ARHGAP39: variants seen among roughly 807,000 people sequenced by gnomAD.
ARHGAP39 encodes Rho GTPase activating protein 39.
A neutral mutation model predicts 106.9 loss-of-function variants in ARHGAP39; 44 were observed. The ratio of observed to expected loss-of-function variants is 0.41; its 90% confidence interval spans 0.32 to 0.53. The LOEUF is 0.53. ARHGAP39 is among the 20% of genes least tolerant of loss of function. The probability of loss-of-function intolerance (pLI) is 0.21; values close to 1 mark genes in which losing one functional copy is unlikely to be tolerated. For synonymous variants in ARHGAP39, 768 were observed against 693.2 expected (o/e 1.11, Z -1.69); for missense variants, 1,496 against 1,577.3 (o/e 0.95, Z 0.87).
intron 3 of ARHGAP39, among the ~76,000 whole-genome samples, chr8:144,574,084 A>G (rs1818680008): frequency 6.7e-6 from 1 of 149,968 alleles, no homozygotes; most frequent in Non-Finnish European, 1.5e-5. Flanking sequence ...GATGCACGAG[A>G]ATTGCTTGAA....
In ARHGAP39 at chr8:144,605,642, C is replaced by G. The variant is rs1276855777; in HGVS notation, c.-28G>C. ...CTGTTTGCTTCCGCGCCCACGTGGA[C>G]AGACGTCAGGGCACCATACGCACAA... On this transcript the variant is annotated 5_prime_UTR_variant, in exon 2 of 12. Coordinates refer to ENST00000377307, the MANE Select transcript of ARHGAP39 (RefSeq NM_025251.3). 6.2e-7 allele frequency: 1 copy of G among 1,608,704 alleles called. No homozygotes were observed. Among genetic ancestry groups the G allele is most frequent in the Non-Finnish European group, 8.5e-7 (1 of 1,177,624 alleles).
Position 144,548,369 on chromosome 8 carries a change from C to T in ARHGAP39, c.717G>A (p.Gly239=), listed in dbSNP as rs1412452845. 3.1e-6 allele frequency: 5 copies of T among 1,608,636 alleles called. No individual in the cohort carries two copies. The highest frequency in any genetic ancestry group is 4.2e-6 in the Non-Finnish European group (5 of 1,177,988). Residue 239 remains glycine, a synonymous_variant, in exon 5 of 12, where the codon GGG becomes GGA. Transcript: ENST00000377307. The surrounding 1 kb of genome is among the most constrained non-coding windows in gnomAD (Gnocchi z 7.4). ...GNGYAPDGPP[G]VRSRRPSGSQ... Reference sequence around the variant, plus strand: ...TGCCGGAGGGTCTGCGGGAGCGGACCCCAGGTGGGCCGTCTGGGGCGTAGC... The same window carrying T: ...TGCCGGAGGGTCTGCGGGAGCGGACTCCAGGTGGGCCGTCTGGGGCGTAGC...
At position 144,545,388 on chromosome 8, in the gene ARHGAP39, C is replaced by A; in HGVS notation, c.2382G>T (p.Glu794Asp). The change falls in exon 6 of 12, where the codon GAG becomes GAT. Residue 794 changes from glutamate (E) to aspartate (D), a missense_variant. Transcript: ENST00000377307. ...LYIQLCRQTT[E>D]NFRLESLARG... ...GGGCCAGGCTCTCCAGGCGGAAGTT[C>A]TCGGTGGTCTGCCGGCACAGCTGGA... The A allele has an allele frequency of 1.9e-6, 3 of 1,596,396 alleles. No homozygotes were observed. Among genetic ancestry groups the A allele is most frequent in the Non-Finnish European group, 1.7e-6 (2 of 1,170,428 alleles).
chr8:144,536,143 G>A (rs1167327261), intron 7 of ARHGAP39, among the ~76,000 whole-genome samples: 1 of 152,192 alleles, frequency 6.6e-6, no homozygotes, highest in East Asian at 1.9e-4. Context: ...TGAGCCCACT[G>A]CCCTGATCCG....
In ARHGAP39 at chr8:144,533,208, C is replaced by T. The variant is rs144988605; in HGVS notation, c.2806G>A (p.Glu936Lys). The T allele has an allele frequency of 3.1e-6, 5 of 1,612,600 alleles. No individual in the cohort carries two copies. In the African/African-American group the frequency reaches 4.0e-5, roughly 13 times the overall value. ...VMGMQRERYPERQLPWVQTRL... is the reference protein window; with the variant it reads ...VMGMQRERYPKRQLPWVQTRL... ...GTCTGCACCCAGGGCAGCTGGCGCT[C>T]GGGGTAGCGCTCTCTCTGCATGCCC... The change falls in exon 9 of 12, where the codon GAG (glutamate) becomes AAG (lysine). Residue 936 changes from glutamate (E) to lysine (K), a missense_variant. Transcript: ENST00000377307.
chr8:144,629,571 G>A (rs1382205118), intron 1 of ARHGAP39, among the ~76,000 whole-genome samples: 2 of 152,242 alleles, frequency 1.3e-5, no homozygotes, highest in Admixed American at 6.5e-5. Context: ...GAGCTTTGGA[G>A]ACAAACCTGA....
At chr8:144,538,682 C>T (rs569693256) in intron 6 of ARHGAP39, among the ~76,000 whole-genome samples, 1 of 152,266 alleles carries the variant, frequency 6.6e-6, no homozygotes, top group South Asian at 2.1e-4. Flanking sequence ...AAGAGATTCC[C>T]ACCTCAGTCT....
intron 6 of ARHGAP39, among the ~76,000 whole-genome samples, chr8:144,542,500 G>A (rs985042000): frequency 6.6e-6 from 1 of 152,204 alleles, no homozygotes; most frequent in Non-Finnish European, 1.5e-5. Flanking sequence ...TCTAAGAACT[G>A]TGCTGCAGCC....
At chr8:144,563,630 A>T (rs568739960) in intron 3 of ARHGAP39, among the ~76,000 whole-genome samples, 31 of 151,924 alleles carry the variant, frequency 2.0e-4, no homozygotes, top group East Asian at 1.2e-3. Flanking sequence ...TATAAAAAAA[A>T]AATAATAATA....
intron 1 of ARHGAP39, among the ~76,000 whole-genome samples, chr8:144,673,806 G>C (rs149797845): frequency 1.5e-3 from 225 of 152,370 alleles, no homozygotes; most frequent in Non-Finnish European, 2.4e-3. Context: ...GGTGCAAAGT[G>C]GCAAGGGGTG....
chr8:144,536,534 G>A (rs1047147350), intron 7 of ARHGAP39, among the ~76,000 whole-genome samples: 29 of 152,216 alleles, frequency 1.9e-4, no homozygotes, highest in African/African-American at 6.8e-4. Context: ...AGGTAGGAGC[G>A]CAAAGCTCCT....
chr8:144,591,625 A>G lies in ARHGAP39; in HGVS notation c.81-10348T>C, dbSNP rs1048940968. ...GCTGGGGGACAGGGTGCGTGCCAGA[A>G]GAGAGGCGAGGGGTGGGGGAGCAGA... On this transcript the variant is annotated intron_variant, in intron 2 of 11. Transcript: ENST00000377307. This position sits in a 1 kb window ranked among gnomAD's most constrained non-coding sequence, Gnocchi z 5.3. 6.6e-5 allele frequency among the ~76,000 whole-genome samples: 10 copies of G among 152,080 alleles called. No individual in the cohort carries two copies. The highest frequency in any genetic ancestry group is 2.4e-5 in the African/African-American group (1 of 41,412).
chr8:144,575,906 C>T (rs1818755317), intron 3 of ARHGAP39, among the ~76,000 whole-genome samples: 1 of 152,166 alleles, frequency 6.6e-6, no homozygotes, highest in Non-Finnish European at 1.5e-5. Flanking sequence ...CTTTTCAGCT[C>T]CATTATAATC....
intron 2 of ARHGAP39, among the ~76,000 whole-genome samples, chr8:144,582,754 T>C (rs1052113354): frequency 3.3e-5 from 5 of 151,902 alleles, no homozygotes; most frequent in Non-Finnish European, 7.4e-5. Context: ...AGAAGTCCAA[T>C]GAAGGAGGGC....
intron 2 of ARHGAP39, among the ~76,000 whole-genome samples, chr8:144,601,812 T>TGC (rs1819976248): frequency 1.7e-5 from 2 of 119,500 alleles, no homozygotes; most frequent in African/African-American, 6.5e-5. Flanking sequence ...TGTGTGTGTG[T>TGC]GTGGAGGCGT....
At chr8:144,633,151 G>T (rs201697431) in intron 1 of ARHGAP39, among the ~76,000 whole-genome samples, 10,675 of 148,196 alleles carry the variant, frequency 0.072, 775 homozygotes, top group East Asian at 0.24. Flanking sequence ...TTTTTTGTTT[G>T]TTTGTTTGTT....
intron 2 of ARHGAP39, among the ~76,000 whole-genome samples, chr8:144,601,240 GTGCA>G (rs1395445582): frequency 6.8e-6 from 1 of 146,902 alleles, no homozygotes; most frequent in African/African-American, 2.5e-5. Context: ...ATGTACCTGT[GTGCA>G]TGGAGGCGTG....
At position 144,574,167 on chromosome 8, in the gene ARHGAP39, A is replaced by G. The variant is rs953248515; in HGVS notation, c.512+6679T>C. Among the ~76,000 whole-genome samples the G allele has an allele frequency of 1.0e-4, 14 of 140,276 alleles. 1 individual carries two copies. The highest frequency in any genetic ancestry group is 4.6e-4 in the South Asian group (2 of 4,304). The allele number at this position is 140,276 out of a possible 152,430, so 92.0% of individuals were successfully genotyped here. A position where few individuals can be genotyped will look rare whatever the true frequency, so the allele number is the denominator to read the frequency against. On this transcript the variant is annotated intron_variant, in intron 3 of 11. Transcript: ENST00000377307. The stretch of plus-strand genomic sequence containing the variant: ...GGTGACAGAAAAAAAAAAAAAAAAA[A>G]GGGAAGAAGATGAAGATGAGGAGGA...
chr8:144,603,254 T>G (rs930277817), intron 2 of ARHGAP39, among the ~76,000 whole-genome samples: 1 of 151,486 alleles, frequency 6.6e-6, no homozygotes, highest in Non-Finnish European at 1.5e-5. Flanking sequence ...TGTGTGCTCG[T>G]GTACCTGTGT....
Sources: gnomAD v4.1 joint callset for allele counts (sites outside exome capture counted in the v4.1 genomes callset) on GRCh38, gnomAD v4.1.1 for gene constraint, Gnocchi (gnomAD v3.1) non-coding constraint, MANE v1.5 for transcripts, NCBI Gene and HGNC (gene_info 2026-07-23, HGNC 2026-07-21) for gene names.